AGMO: variants seen among roughly 807,000 people sequenced by gnomAD.
AGMO encodes alkylglycerol monooxygenase, also known as glyceryl-ether monooxygenase.
AGMO carries 75 observed loss-of-function variants against 60.2 expected under a neutral mutation model. The observed-to-expected ratio is 1.25, with a 90% CI of 1.03 to 1.51. The LOEUF (loss-of-function observed/expected upper bound fraction) is 1.51. AGMO is among the 40% of genes most tolerant of loss of function. The pLI, the probability that AGMO is intolerant of heterozygous loss-of-function variation, is 0.00. For missense variants in AGMO, 763 were observed against 525.5 expected (o/e 1.45, Z -4.42); for synonymous variants, 261 against 177.1 (o/e 1.47, Z -3.76).
At chr7:15,182,870 A>G in the AGMO span, among the ~76,000 whole-genome samples, 2 of 152,118 alleles carry the variant, frequency 1.3e-5, no homozygotes, top group South Asian at 2.1e-4. Flanking sequence ...GAAACTTTCA[A>G]TCGTGGTGGA....
At chr7:15,400,625 T>A (rs1211687076) in intron 5 of AGMO, among the ~76,000 whole-genome samples, 2 of 152,134 alleles carry the variant, frequency 1.3e-5, no homozygotes, top group African/African-American at 4.8e-5. Flanking sequence ...TCTGGAGCTC[T>A]TGGAGTTTGA....
At chr7:15,531,306 T>C (rs1188043097) in intron 3 of AGMO, among the ~76,000 whole-genome samples, 2 of 104,370 alleles carry the variant, frequency 1.9e-5, no homozygotes, top group African/African-American at 8.0e-5. Context: ...ATTCTCTATA[T>C]ATATTCTATA....
At chr7:15,460,639 G>T (rs904900713) in intron 3 of AGMO, among the ~76,000 whole-genome samples, 1 of 151,812 alleles carries the variant, frequency 6.6e-6, no homozygotes, top group African/African-American at 2.4e-5. Context: ...TATTGACCTA[G>T]GTTTTATGCT....
At chr7:15,561,689 A>G (rs1201282604) in intron 1 of AGMO, 31 bp downstream of exon 1, 3 of 1,564,048 alleles carry the variant, frequency 1.9e-6, no homozygotes, top group African/African-American at 1.4e-5. Flanking sequence ...AGCAGCAAGA[A>G]TAAGAGTAGC....
At chr7:15,430,225 A>T (rs374539901) in intron 4 of AGMO, among the ~76,000 whole-genome samples, 1 of 151,970 alleles carries the variant, frequency 6.6e-6, no homozygotes, top group Non-Finnish European at 1.5e-5. Flanking sequence ...ATGTTTGACC[A>T]TTATAATTTA....
At chr7:15,140,642 C>T in the AGMO span, among the ~76,000 whole-genome samples, 1 of 152,052 alleles carries the variant, frequency 6.6e-6, no homozygotes, top group Non-Finnish European at 1.5e-5. Flanking sequence ...CATCGGTTCT[C>T]TCTTCAGTCT....
intron 12 of AGMO, among the ~76,000 whole-genome samples, chr7:15,330,404 G>A (rs933886954): frequency 1.3e-5 from 2 of 152,146 alleles, no homozygotes; most frequent in African/African-American, 4.8e-5. Context: ...CTTCACTGAA[G>A]TCCTGCTTCT....
intron 3 of AGMO, among the ~76,000 whole-genome samples, chr7:15,436,465 G>C (rs776498134): frequency 3.3e-5 from 5 of 152,140 alleles, no homozygotes; most frequent in Non-Finnish European, 7.4e-5. Flanking sequence ...ATCCATTCTT[G>C]AGGGTGGAGC....
intron 3 of AGMO, among the ~76,000 whole-genome samples, chr7:15,484,292 T>C (rs1782852592): frequency 6.6e-6 from 1 of 152,164 alleles, no homozygotes; most frequent in Admixed American, 6.6e-5. Flanking sequence ...ATTGAAAATA[T>C]TATATCCCAT....
chr7:15,227,267 C>T (rs541342644), intron 12 of AGMO, among the ~76,000 whole-genome samples: 33 of 152,002 alleles, frequency 2.2e-4, no homozygotes, highest in African/African-American at 7.2e-4. Flanking sequence ...AAACTTCAGC[C>T]AATCACATCA....
intron 4 of AGMO, among the ~76,000 whole-genome samples, chr7:15,422,151 T>C (rs1780943234): frequency 6.6e-6 from 1 of 152,024 alleles, no homozygotes; most frequent in African/African-American, 2.4e-5. Flanking sequence ...AGTTTAAGAA[T>C]CAGCCAGAGG....
intron 12 of AGMO, among the ~76,000 whole-genome samples, chr7:15,357,202 T>C (rs1782570499): frequency 6.8e-6 from 1 of 147,888 alleles, no homozygotes; most frequent in African/African-American, 2.6e-5. Context: ...TGTGTGTGTG[T>C]GTGTGTGTGT....
chr7:15,482,241 G>GA (rs1159596803), intron 3 of AGMO, among the ~76,000 whole-genome samples: 2 of 151,784 alleles, frequency 1.3e-5, no homozygotes, highest in Admixed American at 6.6e-5. Context: ...TGAAAGGTTT[G>GA]AAAAAAATCA....
chr7:15,125,979 A>G, the AGMO span, among the ~76,000 whole-genome samples: 1 of 152,144 alleles, frequency 6.6e-6, no homozygotes, highest in African/African-American at 2.4e-5. Flanking sequence ...ACTTAATAGT[A>G]TATTAATTAG....
intron 3 of AGMO, among the ~76,000 whole-genome samples, chr7:15,452,050 T>A (rs899869513): frequency 7.2e-5 from 11 of 152,158 alleles, no homozygotes; most frequent in Non-Finnish European, 1.5e-4. Flanking sequence ...TTGAAGTTCA[T>A]CTACAAGGAT....
chr7:15,556,049 C>T (rs968407468), intron 2 of AGMO, among the ~76,000 whole-genome samples: 4 of 151,834 alleles, frequency 2.6e-5, no homozygotes, highest in African/African-American at 9.7e-5. Context: ...TTAAAGTCAT[C>T]ACCCAAAATT....
Position 15,247,470 on chromosome 7 carries a change from AGAGAGAGAGG to A in AGMO, c.1264-46121_1264-46112del, listed in dbSNP as rs540254386. ...CACACACACACACACAGAGAGAGAG[AGAGAGAGAGG>A]GAGAGAGAGGGAGAGAGAGACAGTA... is the stretch of plus-strand genomic sequence containing the variant. On this transcript the variant is annotated intron_variant, in intron 12 of 12. Coordinates refer to ENST00000342526, the MANE Select transcript of AGMO (RefSeq NM_001004320.2). Among the ~76,000 whole-genome samples, 78 of 150,028 alleles carry A rather than the reference AGAGAGAGAGG, an allele frequency of 5.2e-4. No homozygotes were observed. The East Asian group carries it at 0.014, about 26-fold the overall frequency.
chr7:15,489,285 T>G (rs971379342), intron 3 of AGMO, among the ~76,000 whole-genome samples: 5 of 152,136 alleles, frequency 3.3e-5, no homozygotes, highest in African/African-American at 1.2e-4. Flanking sequence ...ACTAAATAGC[T>G]TCACAAAAAC....
rs1389508255 is a variant in AGMO at position 15,201,316 on chromosome 7, A to G, written c.1307T>C (p.Met436Thr). The G allele has an allele frequency of 6.2e-7, 1 of 1,612,974 alleles. No homozygotes were observed. Among genetic ancestry groups the G allele is most frequent in the Middle Eastern group, 1.7e-4 (1 of 6,018 alleles). The change falls in exon 13 of 13, where the codon ATG (methionine) becomes ACG (threonine). Residue 436 changes from methionine (M) to threonine (T), a missense_variant. Coordinates refer to ENST00000342526, the MANE Select transcript of AGMO (RefSeq NM_001004320.2). ...ICIAFWGVRSMKQLTSHPWK is the reference protein window; with the variant it reads ...ICIAFWGVRSTKQLTSHPWK ...CCAAGGGTGAGAGGTGAGTTGTTTC[A>G]TGCTTCTAACTCCCCAGAAAGCAAT...
Sources: allele counts gnomAD v4.1 joint callset (sites outside exome capture counted in the v4.1 genomes callset), GRCh38; gene constraint gnomAD v4.1.1; transcripts MANE v1.5; gene names NCBI Gene and HGNC (gene_info 2026-07-23, HGNC 2026-07-21).